Variants in PHTF2 observed in about 807,000 individuals in gnomAD.
The protein encoded by PHTF2 is protein PHTF2.
Under a neutral mutation model 101.2 loss-of-function variants are expected in PHTF2, and 60 were observed. The ratio of observed to expected loss-of-function variants is 0.59; its 90% CI spans 0.48 to 0.73. The LOEUF is 0.73. Ranked by LOEUF, PHTF2 falls within the 30% of genes least tolerant of loss-of-function variation. PHTF2 has a pLI of 0.00. For missense variants in PHTF2, 747 were observed against 908.7 expected, an observed-to-expected ratio of 0.82 and a Z score of 2.29; for synonymous variants, 311 against 307.3, an observed-to-expected ratio of 1.01 and a Z score of -0.13.
At chr7:77,952,903 T>C (rs114209614) in intron 18 of PHTF2, among the ~76,000 whole-genome samples, 1,951 of 152,264 alleles carry the variant, frequency 0.013, 38 homozygotes, top group African/African-American at 0.045. Context: ...ATTCATCCTC[T>C]TCTCTATTAG....
intron 5 of PHTF2, among the ~76,000 whole-genome samples, chr7:77,897,525 T>G (rs1477850109): frequency 2.0e-5 from 3 of 152,020 alleles, no homozygotes; most frequent in Non-Finnish European, 2.9e-5. Flanking sequence ...AATCTCATTT[T>G]TTAAAGAAAA....
intron 1 of PHTF2, among the ~76,000 whole-genome samples, chr7:77,838,827 AT>A (rs1328814067): frequency 1.3e-4 from 20 of 152,328 alleles, no homozygotes; most frequent in African/African-American, 4.6e-4. Context: ...CTTGAATTTG[AT>A]CAGTTAGAGT....
intron 1 of PHTF2, among the ~76,000 whole-genome samples, chr7:77,815,770 G>A (rs553991009): frequency 3.9e-5 from 6 of 152,264 alleles, no homozygotes; most frequent in Middle Eastern, 3.4e-3. Flanking sequence ...CTTTATTCCC[G>A]TTTCCAGGGG....
At chr7:77,878,774 G>A (rs375976047) in intron 3 of PHTF2, among the ~76,000 whole-genome samples, 5 of 152,146 alleles carry the variant, frequency 3.3e-5, no homozygotes, top group South Asian at 2.1e-4. Flanking sequence ...CTGATTTTAC[G>A]TAAGTATAAA....
chr7:77,873,840 G>A lies in PHTF2; in HGVS notation c.147+19006G>A, dbSNP rs80306923. Among the ~76,000 whole-genome samples, 881 of 152,254 alleles carry A rather than the reference G, an allele frequency of 5.8e-3. 5 individuals carry two copies. Among genetic ancestry groups the A allele is most frequent in the African/African-American group, 0.019 (781 of 41,560 alleles). ...ACTTTAACAGTAGACACCTGGCGAC[G>A]CTGTGCATGTACCTTTCAGTGAAGG... On this transcript the variant is annotated intron_variant, in intron 3 of 19. Coordinates refer to ENST00000416283, the Ensembl canonical transcript of PHTF2.
chr7:77,815,838 C>T (rs1397034439), intron 1 of PHTF2, among the ~76,000 whole-genome samples: 2 of 152,174 alleles, frequency 1.3e-5, no homozygotes, highest in African/African-American at 2.4e-5. Context: ...GGTTAATATT[C>T]TCCTTTCTCT....
At chr7:77,951,146 A>G (rs575432519) in intron 17 of PHTF2, among the ~76,000 whole-genome samples, 12 of 152,328 alleles carry the variant, frequency 7.9e-5, no homozygotes, top group Admixed American at 2.0e-4. Context: ...TGACTTTCAA[A>G]TAAATCATAA....
At chr7:77,862,526 A>G (rs982678395) in intron 3 of PHTF2, among the ~76,000 whole-genome samples, 4 of 152,200 alleles carry the variant, frequency 2.6e-5, no homozygotes, top group African/African-American at 9.6e-5. Context: ...TACAGCACCT[A>G]AAAATTAAAG....
chr7:77,936,231 A>AT (rs552302744), intron 12 of PHTF2, among the ~76,000 whole-genome samples: 75 of 152,110 alleles, frequency 4.9e-4, no homozygotes, highest in Middle Eastern at 3.4e-3. Flanking sequence ...TACAAGAAAC[A>AT]TTTTTTTTAC....
chr7:77,926,177 C>T (rs1315022984), intron 11 of PHTF2, among the ~76,000 whole-genome samples: 1 of 152,142 alleles, frequency 6.6e-6, no homozygotes, highest in Non-Finnish European at 1.5e-5. Flanking sequence ...GTCATCAGGC[C>T]TTTAATCCTG....
chr7:77,940,168 C>T (rs1805520608), exon 14 of PHTF2: 3 of 1,613,760 alleles, frequency 1.9e-6, no homozygotes, highest in Non-Finnish European at 2.5e-6. Flanking sequence ...TGCTTCAGAA[C>T]TTTATGTGAT....
intron 5 of PHTF2, among the ~76,000 whole-genome samples, chr7:77,897,783 C>T (rs1407478848): frequency 1.3e-5 from 2 of 152,068 alleles, no homozygotes; most frequent in East Asian, 1.9e-4. Flanking sequence ...CAGGTTCAAG[C>T]GATTCTCCTG....
intron 3 of PHTF2, among the ~76,000 whole-genome samples, chr7:77,885,248 T>C (rs928390349): frequency 2.0e-5 from 3 of 151,996 alleles, no homozygotes; most frequent in Admixed American, 6.6e-5. Flanking sequence ...CACATGCTGC[T>C]GTACCTGGCT....
intron 10 of PHTF2, among the ~76,000 whole-genome samples, chr7:77,922,017 C>CTTTTTTTTT (rs35763664): frequency 2.1e-5 from 2 of 95,282 alleles, no homozygotes; most frequent in South Asian, 3.6e-4. Flanking sequence ...GTTTATATTC[C>CTTTTTTTTT]TTTTTTTTTT....
At chr7:77,891,783 AC>A in intron 3 of PHTF2, among the ~76,000 whole-genome samples, 1 of 151,844 alleles carries the variant, frequency 6.6e-6, no homozygotes, top group Non-Finnish European at 1.5e-5. Flanking sequence ...GACAGGTCTC[AC>A]TACATTGCCA....
At chr7:77,896,995 A>T (rs1267543086) in intron 5 of PHTF2, among the ~76,000 whole-genome samples, 1 of 152,194 alleles carries the variant, frequency 6.6e-6, no homozygotes, top group African/African-American at 2.4e-5. Flanking sequence ...ATTTTTCCAT[A>T]ACCATTTTAG....
At chr7:77,910,155 TTA>T in intron 8 of PHTF2, 88 bp from the exon 8 acceptor site, 1 of 1,014,768 alleles carries the variant, frequency 9.9e-7, no homozygotes, top group Non-Finnish European at 1.4e-6. Flanking sequence ...GTTCCTGTGT[TTA>T]TGTTTTCCAA....
intron 9 of PHTF2, among the ~76,000 whole-genome samples, chr7:77,914,529 C>T (rs1381145390): frequency 6.6e-6 from 1 of 152,102 alleles, no homozygotes; most frequent in Non-Finnish European, 1.5e-5. Context: ...GGTCCTTCCC[C>T]CTCAGCTTGG....
At chr7:77,949,610 T>G in intron 16 of PHTF2, 68 bp from the exon 16 acceptor site, 1 of 775,302 alleles carries the variant, frequency 1.3e-6, no homozygotes, top group Non-Finnish European at 2.1e-6. Flanking sequence ...CAATCTATGT[T>G]TATTTCTTTT....
Sources: gnomAD v4.1 joint callset for allele counts (sites outside exome capture counted in the v4.1 genomes callset) on GRCh38, gnomAD v4.1.1 for gene constraint, MANE v1.5 for transcripts, NCBI Gene and HGNC (gene_info 2026-07-23, HGNC 2026-07-21) for gene names.